SWAP70: variants seen among roughly 807,000 people sequenced by gnomAD.
The protein encoded by SWAP70 is switch-associated protein 70.
In SWAP70, 34 loss-of-function variants were observed where a neutral mutation model predicts 80.2. The ratio of observed to expected loss-of-function variants is 0.42; its 90% CI spans 0.32 to 0.56. The LOEUF (loss-of-function observed/expected upper bound fraction) is 0.56. Among genes scored for constraint, SWAP70 ranks in the 20% least tolerant of loss-of-function variants. The pLI is 0.09. For missense variants in SWAP70, 578 were observed against 690.7 expected (o/e 0.84, Z 1.83); for synonymous variants, 239 against 238.5 (o/e 1.00, Z -0.02).
chr11:9,673,848 C>CAG (rs147969829), intron 1 of SWAP70, among the ~76,000 whole-genome samples: 46 of 150,230 alleles, frequency 3.1e-4, no homozygotes, highest in East Asian at 2.5e-3. Flanking sequence ...GGCAGAAGGT[C>CAG]AGAGAGAGAG....
chr11:9,702,492 A>G (rs1360665459), intron 2 of SWAP70, among the ~76,000 whole-genome samples: 2 of 151,968 alleles, frequency 1.3e-5, no homozygotes, highest in Non-Finnish European at 2.9e-5. Context: ...GCTCACTGCA[A>G]CCTTGCCCTG....
At chr11:9,740,480 C>A (rs752935347) in intron 9 of SWAP70, 133 bp downstream of exon 9, 1 of 922,784 alleles carries the variant, frequency 1.1e-6, no homozygotes, top group Non-Finnish European at 1.8e-6. Flanking sequence ...GAGGTGCTGT[C>A]CAGATTAGAA....
At chr11:9,706,802 G>T (rs533172552) in intron 2 of SWAP70, among the ~76,000 whole-genome samples, 2 of 152,144 alleles carry the variant, frequency 1.3e-5, no homozygotes, top group South Asian at 4.1e-4. Context: ...GATTAGTTCA[G>T]ATTAGCACAT....
At chr11:9,723,875 C>T (rs1456553515) in intron 3 of SWAP70, among the ~76,000 whole-genome samples, 3 of 150,336 alleles carry the variant, frequency 2.0e-5, no homozygotes, top group Non-Finnish European at 3.0e-5. Context: ...AAGGTTCAAA[C>T]GATTCTCATG....
At chr11:9,729,854 T>C (rs1851274374) in intron 6 of SWAP70, among the ~76,000 whole-genome samples, 1 of 152,238 alleles carries the variant, frequency 6.6e-6, no homozygotes. Context: ...TTCCTCATTG[T>C]AGTTATTTTC....
chr11:9,671,501 AAT>A lies in SWAP70; in HGVS notation c.99+7231_99+7232del, dbSNP rs1491518356. Among the ~76,000 whole-genome samples, 284 of 84,834 alleles carry A rather than the reference AAT, an allele frequency of 3.3e-3. 11 individuals carry two copies. In the East Asian group the frequency reaches 0.064, roughly 19 times the overall value. 55.7% of individuals were successfully genotyped at this position (84,834 alleles called of 152,430 possible). A position where few individuals can be genotyped will look rare whatever the true frequency, so the allele number is the denominator to read the frequency against. Reference sequence around the variant, plus strand: ...AAGTATATTTATAAATATATATATAAATATATATAAATATATATATAAATATA... The same window carrying A: ...AAGTATATTTATAAATATATATATAAATATATAAATATATATATAAATATA... On this transcript the variant is annotated intron_variant, in intron 1 of 11. Coordinates refer to ENST00000318950, the MANE Select transcript of SWAP70 (RefSeq NM_015055.4).
At chr11:9,689,594 A>G (rs1850671243) in intron 1 of SWAP70, among the ~76,000 whole-genome samples, 1 of 152,192 alleles carries the variant, frequency 6.6e-6, no homozygotes, top group Non-Finnish European at 1.5e-5. Context: ...GAAACTTGCA[A>G]ACACCCTGAT....
intron 1 of SWAP70, among the ~76,000 whole-genome samples, chr11:9,677,473 G>A (rs1191983435): frequency 1.3e-5 from 2 of 151,938 alleles, no homozygotes; most frequent in Non-Finnish European, 2.9e-5. Context: ...TTAACCCTTG[G>A]CCCATATTAG....
intron 1 of SWAP70, among the ~76,000 whole-genome samples, chr11:9,670,076 G>T (rs1025079571): frequency 6.6e-6 from 1 of 152,140 alleles, no homozygotes; most frequent in Non-Finnish European, 1.5e-5. Flanking sequence ...GCAGTGAGCC[G>T]ATATCTCACC....
At chr11:9,697,143 G>A (rs1590022111) in intron 2 of SWAP70, among the ~76,000 whole-genome samples, 1 of 151,830 alleles carries the variant, frequency 6.6e-6, no homozygotes, top group African/African-American at 2.4e-5. Context: ...TATGGCTTCA[G>A]ATTTTTATTA....
intron 6 of SWAP70, among the ~76,000 whole-genome samples, chr11:9,731,293 G>A (rs1851295180): frequency 1.3e-5 from 2 of 152,134 alleles, no homozygotes; most frequent in Admixed American, 1.3e-4. Flanking sequence ...AGTCATTTTT[G>A]ATGTGGTTTA....
chr11:9,724,505 C>G (rs965375132), intron 3 of SWAP70, among the ~76,000 whole-genome samples, 153 bp from the exon 4 acceptor site: 8 of 152,130 alleles, frequency 5.3e-5, no homozygotes, highest in Admixed American at 1.3e-4. Context: ...TTATACTTCT[C>G]TCCCTGTATT....
At chr11:9,727,941 A>T (rs1343468319) in intron 4 of SWAP70, 112 bp from the exon 5 acceptor site, 15 of 1,065,824 alleles carry the variant, frequency 1.4e-5, no homozygotes, top group Non-Finnish European at 1.8e-5. Flanking sequence ...ATTGGTGTTC[A>T]TGTTTTCAGG....
intron 1 of SWAP70, among the ~76,000 whole-genome samples, chr11:9,690,156 T>C (rs1257859686): frequency 2.0e-5 from 3 of 152,180 alleles, no homozygotes; most frequent in Admixed American, 6.5e-5. Flanking sequence ...TAAAACAAAT[T>C]AATAGATGGT....
At position 9,738,264 on chromosome 11, in the gene SWAP70, C is replaced by T. The variant is rs1210479901; in HGVS notation, c.1132C>T (p.Gln378Ter). The T allele has an allele frequency of 6.2e-7, 1 of 1,611,692 alleles. No homozygotes were observed. ...AGCAGAAGAGGAAAAGAAACGCCTT[C>T]AGACTCAAGTGGAACTTCAGGCCAG... ...RAAEEEKKRLQTQVELQARFS... is the reference protein window; with the variant it reads ...RAAEEEKKRL Residue 378 changes from glutamine to a stop codon, truncating the protein, a stop_gained, in exon 8 of 12, where the codon CAG becomes TAG. Transcript: ENST00000318950. LOFTEE classifies it high-confidence loss of function.
chr11:9,713,250 A>T (rs1157877180), intron 2 of SWAP70, among the ~76,000 whole-genome samples: 1 of 152,208 alleles, frequency 6.6e-6, no homozygotes, highest in East Asian at 1.9e-4. Flanking sequence ...CAAGGGAGTG[A>T]TATGGACAGA....
intron 1 of SWAP70, among the ~76,000 whole-genome samples, chr11:9,671,065 T>A (rs1850370806): frequency 7.0e-6 from 1 of 143,202 alleles, no homozygotes; most frequent in African/African-American, 2.6e-5. Context: ...TTATTGTTTT[T>A]TATATATACA....
intron 2 of SWAP70, among the ~76,000 whole-genome samples, chr11:9,697,570 A>G (rs748139272): frequency 6.6e-6 from 1 of 152,200 alleles, no homozygotes; most frequent in Non-Finnish European, 1.5e-5. Context: ...GGCATGAGCC[A>G]CTGTGCCCAG....
In SWAP70 at chr11:9,750,705, C is replaced by T. The variant is rs557505091; in HGVS notation, c.*735C>T. On this transcript the variant is annotated 3_prime_UTR_variant, in exon 12 of 12. Transcript: ENST00000318950. ...TCCTTTGGCAGCGTGTTTCCTTTTC[C>T]GAGTATGTGCTGTTAAACTAGATTG... The T allele has an allele frequency of 2.6e-5, 4 of 152,302 alleles. No individual in the cohort carries two copies. Among genetic ancestry groups the T allele is most frequent in the South Asian group, 2.1e-4 (1 of 4,818 alleles). 9.4% of individuals were successfully genotyped at this position (152,302 alleles called of 1,614,324 possible). A position where few individuals can be genotyped will look rare whatever the true frequency, so the allele number is the denominator to read the frequency against.
Sources: gnomAD v4.1 joint callset for allele counts (sites outside exome capture counted in the v4.1 genomes callset) on GRCh38, gnomAD v4.1.1 for gene constraint, MANE v1.5 for transcripts, NCBI Gene and HGNC (gene_info 2026-07-23, HGNC 2026-07-21) for gene names.